Variants in SAMTOR observed in about 807,000 individuals in gnomAD.
The protein encoded by SAMTOR is S-adenosylmethionine sensor upstream of mTORC1, also known as UPF0532 protein C7orf60.
chr7:112,837,596 G>A, the SAMTOR span, among the ~76,000 whole-genome samples: 1 of 151,942 alleles, frequency 6.6e-6, no homozygotes, highest in Admixed American at 6.6e-5. Flanking sequence ...ATTGTATAGT[G>A]TCAAATCAAT....
the SAMTOR span, among the ~76,000 whole-genome samples, chr7:112,874,741 A>C: frequency 1.3e-5 from 2 of 152,182 alleles, no homozygotes; most frequent in Admixed American, 6.5e-5. Flanking sequence ...GTTTAAAAAA[A>C]CCTTACCCTT....
the SAMTOR span, among the ~76,000 whole-genome samples, chr7:112,937,314 C>T: frequency 1.3e-5 from 2 of 152,108 alleles, no homozygotes; most frequent in Admixed American, 6.5e-5. Flanking sequence ...AAAAGGGGTA[C>T]AGTTTCCATA....
the SAMTOR span, among the ~76,000 whole-genome samples, chr7:112,837,152 C>A: frequency 6.6e-6 from 1 of 152,030 alleles, no homozygotes; most frequent in Non-Finnish European, 1.5e-5. Flanking sequence ...AGATTTTTCA[C>A]CTCCCTGATT....
chr7:112,893,664 G>A, the SAMTOR span, among the ~76,000 whole-genome samples: 2 of 152,248 alleles, frequency 1.3e-5, no homozygotes, highest in East Asian at 3.9e-4. Flanking sequence ...TTCACTTTGG[G>A]AGGCCGAGGT....
chr7:112,828,632 C>T, the SAMTOR span, among the ~76,000 whole-genome samples: 25 of 151,848 alleles, frequency 1.6e-4, no homozygotes, highest in Non-Finnish European at 3.1e-4. Flanking sequence ...CATAATTCAA[C>T]CCGAAACAAT....
chr7:112,851,527 A>G, the SAMTOR span, among the ~76,000 whole-genome samples: 6 of 152,158 alleles, frequency 3.9e-5, no homozygotes, highest in Admixed American at 1.3e-4. Context: ...ATCTCTTGCC[A>G]TATACAAAAA....
chr7:112,826,435 G>A, the SAMTOR span, among the ~76,000 whole-genome samples: 25 of 152,062 alleles, frequency 1.6e-4, no homozygotes, highest in Non-Finnish European at 3.1e-4. Context: ...TTGAATTGTC[G>A]AATTTATTGG....
At chr7:112,854,113 CTT>C in the SAMTOR span, among the ~76,000 whole-genome samples, 15 of 151,998 alleles carry the variant, frequency 9.9e-5, no homozygotes, top group African/African-American at 3.4e-4. Flanking sequence ...ATTAGTTCCT[CTT>C]GTCTCAGTCA....
the SAMTOR span, among the ~76,000 whole-genome samples, chr7:112,900,173 G>C: frequency 6.6e-6 from 1 of 152,052 alleles, no homozygotes; most frequent in African/African-American, 2.4e-5. Flanking sequence ...ATAAGGAATT[G>C]GCTTATGTGA....
At chr7:112,829,384 T>C in the SAMTOR span, among the ~76,000 whole-genome samples, 2 of 152,220 alleles carry the variant, frequency 1.3e-5, no homozygotes, top group African/African-American at 2.4e-5. Flanking sequence ...TAAAACTGTA[T>C]TGAAGCATAA....
chr7:112,835,956 G>A, the SAMTOR span, among the ~76,000 whole-genome samples: 1 of 152,132 alleles, frequency 6.6e-6, no homozygotes, highest in Non-Finnish European at 1.5e-5. Context: ...ATGTGTGCAT[G>A]TGTCTTTATT....
the SAMTOR span, among the ~76,000 whole-genome samples, chr7:112,930,124 G>A: frequency 6.6e-6 from 1 of 152,196 alleles, no homozygotes; most frequent in Middle Eastern, 3.4e-3. Context: ...CCAAATTCAA[G>A]TTCAAAGTAC....
At chr7:112,859,076 G>T in the SAMTOR span, among the ~76,000 whole-genome samples, 1 of 152,158 alleles carries the variant, frequency 6.6e-6, no homozygotes, top group Non-Finnish European at 1.5e-5. Flanking sequence ...GAAAAAGACT[G>T]AGTTTGCTCC....
At chr7:112,836,110 T>C in the SAMTOR span, among the ~76,000 whole-genome samples, 9 of 152,312 alleles carry the variant, frequency 5.9e-5, no homozygotes, top group African/African-American at 1.9e-4. Flanking sequence ...ACCAGCACTG[T>C]ATTAGCATTC....
At chr7:112,939,777 C>G in the SAMTOR span, 1 of 1,547,212 alleles carries the variant, frequency 6.5e-7, no homozygotes, top group Non-Finnish European at 8.8e-7. Context: ...CCGCCGCCGC[C>G]CCTCAGGCCC....
chr7:112,931,274 TG>T, the SAMTOR span, among the ~76,000 whole-genome samples: 5 of 151,866 alleles, frequency 3.3e-5, no homozygotes, highest in Non-Finnish European at 4.4e-5. Flanking sequence ...AGCAGGGGGT[TG>T]GGACAACCTT....
At chr7:112,863,072 T>TA in the SAMTOR span, among the ~76,000 whole-genome samples, 1 of 152,036 alleles carries the variant, frequency 6.6e-6, no homozygotes, top group Admixed American at 6.6e-5. Context: ...GGCACTGGTT[T>TA]AAAAAAATAC....
chr7:112,891,447 T>A, the SAMTOR span, among the ~76,000 whole-genome samples: 1 of 152,356 alleles, frequency 6.6e-6, no homozygotes, highest in East Asian at 1.9e-4. Context: ...CTTAAGAGTA[T>A]CTTACTTTCA....
chr7:112,896,683 A>G, the SAMTOR span, among the ~76,000 whole-genome samples: 1 of 152,238 alleles, frequency 6.6e-6, no homozygotes, highest in African/African-American at 2.4e-5. Context: ...TGTTACCCTC[A>G]AGAAGCTACT....
Sources: gnomAD v4.1 joint callset for allele counts (sites outside exome capture counted in the v4.1 genomes callset) on GRCh38, gnomAD v4.1.1 for gene constraint, MANE v1.5 for transcripts, NCBI Gene and HGNC (gene_info 2026-07-23, HGNC 2026-07-21) for gene names.